The following MYT1L variants were observed in gnomAD, a reference collection of about 807,000 sequenced individuals.
MYT1L encodes myelin transcription factor 1-like protein.
A neutral mutation model predicts 126.7 loss-of-function variants in MYT1L; 12 were observed. The ratio of observed to expected loss-of-function variants is 0.09; its 90% CI spans 0.06 to 0.15. The LOEUF (loss-of-function observed/expected upper bound fraction) is 0.15. Among genes scored for constraint, MYT1L ranks in the 10% least tolerant of loss-of-function variants. The pLI is 1.00. For missense variants in MYT1L, 979 were observed against 1,585.2 expected (o/e 0.62, Z 6.49); for synonymous variants, 541 against 604.2 (o/e 0.90, Z 1.53).
In MYT1L at chr2:2,278,653, A is replaced by G. The variant is rs112206934; in HGVS notation, c.-421+5751T>C. On this transcript the variant is annotated intron_variant, in intron 2 of 24. Transcript: ENST00000647738. ...TATTTTTAAACACAGGCAGGACACTATTAACATACTTAAGAAATCAACAGT... is the reference window on the plus strand; with the variant it reads ...TATTTTTAAACACAGGCAGGACACTGTTAACATACTTAAGAAATCAACAGT... Among the ~76,000 whole-genome samples, 2 of 152,368 alleles carry G rather than the reference A, an allele frequency of 1.3e-5. 1 individual carries two copies. The highest frequency in any genetic ancestry group is 4.8e-5 in the African/African-American group (2 of 41,592).
At chr2:1,812,674 C>G (rs2036857210) in intron 21 of MYT1L, among the ~76,000 whole-genome samples, 1 of 151,886 alleles carries the variant, frequency 6.6e-6, no homozygotes, top group Non-Finnish European at 1.5e-5. Context: ...TCAGGAGTTC[C>G]AGACCAGCCT....
chr2:1,868,077 C>A (rs571294095), intron 18 of MYT1L, among the ~76,000 whole-genome samples: 1 of 152,240 alleles, frequency 6.6e-6, no homozygotes, highest in Admixed American at 6.5e-5. Context: ...GGTGATTCCC[C>A]TGCCTCAGCC....
At chr2:1,796,062 A>G (rs2033424205) in intron 23 of MYT1L, among the ~76,000 whole-genome samples, 1 of 152,218 alleles carries the variant, frequency 6.6e-6, no homozygotes, top group Non-Finnish European at 1.5e-5. Flanking sequence ...AAAGAATAAC[A>G]GCATTTTGTA....
At chr2:1,839,088 C>T (rs544836168) in intron 21 of MYT1L, 61 bp downstream of exon 21, 33 of 1,443,904 alleles carry the variant, frequency 2.3e-5, no homozygotes, top group African/African-American at 2.0e-4. Flanking sequence ...CATAACCAGC[C>T]GTGCCAGTCG....
At chr2:2,117,570 A>C (rs900209359) in intron 3 of MYT1L, among the ~76,000 whole-genome samples, 4 of 152,240 alleles carry the variant, frequency 2.6e-5, no homozygotes. Context: ...TGGGCAGAAC[A>C]CAATCCATGT....
At chr2:2,018,669 G>C (rs2064696751) in intron 4 of MYT1L, among the ~76,000 whole-genome samples, 1 of 152,206 alleles carries the variant, frequency 6.6e-6, no homozygotes, top group Non-Finnish European at 1.5e-5. Flanking sequence ...AAACCCTCAG[G>C]AAGTAGCAGG....
intron 2 of MYT1L, among the ~76,000 whole-genome samples, chr2:2,254,484 T>C (rs2094752305): frequency 6.6e-6 from 1 of 152,182 alleles, no homozygotes; most frequent in Non-Finnish European, 1.5e-5. Context: ...GAAGGGACTC[T>C]AGAGCTGCAT....
intron 4 of MYT1L, among the ~76,000 whole-genome samples, chr2:1,999,643 T>A (rs1455070514): frequency 1.3e-5 from 2 of 152,140 alleles, no homozygotes; most frequent in Non-Finnish European, 2.9e-5. Context: ...CATAATCTAT[T>A]AAAATAAAAA....
intron 2 of MYT1L, among the ~76,000 whole-genome samples, chr2:2,214,248 T>G (rs2093613050): frequency 6.7e-6 from 1 of 148,402 alleles, no homozygotes; most frequent in South Asian, 2.2e-4. Context: ...AAAAGAAACA[T>G]GAGACAAATT....
intron 21 of MYT1L, chr2:1,809,949 G>A (rs1394179782): frequency 1.3e-5 from 2 of 152,094 alleles, no homozygotes; most frequent in Non-Finnish European, 2.9e-5. Flanking sequence ...TGTGTGCGGA[G>A]CGCCTCTTCC....
At chr2:2,290,421 G>A (rs967998603) in intron 1 of MYT1L, among the ~76,000 whole-genome samples, 1 of 152,144 alleles carries the variant, frequency 6.6e-6, no homozygotes, top group Admixed American at 6.5e-5. Flanking sequence ...TTTATCACAT[G>A]CCATATAATA....
At chr2:1,992,210 G>A (rs112463859) in intron 5 of MYT1L, among the ~76,000 whole-genome samples, 10 of 152,176 alleles carry the variant, frequency 6.6e-5, no homozygotes, top group East Asian at 3.8e-4. Flanking sequence ...ACAACCCAGC[G>A]TCGGTCCACG....
chr2:2,163,733 G>A (rs183995358), intron 3 of MYT1L, among the ~76,000 whole-genome samples: 119 of 147,156 alleles, frequency 8.1e-4, no homozygotes, highest in African/African-American at 2.7e-3. Context: ...GTGAGACTCC[G>A]TCTCAGAAAA....
chr2:2,064,763 A>G (rs938018986), intron 3 of MYT1L, among the ~76,000 whole-genome samples: 1 of 152,204 alleles, frequency 6.6e-6, no homozygotes, highest in South Asian at 2.1e-4. Context: ...TGAAATAAAA[A>G]TACATTTCAG....
intron 9 of MYT1L, among the ~76,000 whole-genome samples, chr2:1,927,508 C>G (rs2054392214): frequency 6.7e-6 from 1 of 148,572 alleles, no homozygotes; most frequent in Non-Finnish European, 1.5e-5. Context: ...TGGATTACAA[C>G]TTTATATACA....
intron 23 of MYT1L, among the ~76,000 whole-genome samples, chr2:1,796,798 G>A (rs146890993): frequency 2.3e-3 from 346 of 152,092 alleles, no homozygotes; most frequent in Non-Finnish European, 3.8e-3. Flanking sequence ...GTCTCTCCTC[G>A]GGCTCCTTGC....
intron 3 of MYT1L, among the ~76,000 whole-genome samples, chr2:2,082,781 T>C (rs1427205900): frequency 1.3e-5 from 2 of 152,190 alleles, no homozygotes; most frequent in East Asian, 3.8e-4. Context: ...AAGGGAAGAC[T>C]ATTGCATGAT....
intron 1 of MYT1L, among the ~76,000 whole-genome samples, chr2:2,300,564 A>G (rs568933274): frequency 6.6e-6 from 1 of 152,282 alleles, no homozygotes; most frequent in South Asian, 2.1e-4. Flanking sequence ...CTTGAACAAT[A>G]CTCCATAAAT....
At chr2:2,016,488 CTT>C (rs1473146096) in intron 4 of MYT1L, among the ~76,000 whole-genome samples, 2 of 152,222 alleles carry the variant, frequency 1.3e-5, no homozygotes, top group Non-Finnish European at 2.9e-5. Context: ...GCACTGTTCA[CTT>C]TTCTAAATGC....
Sources: gnomAD v4.1 joint callset for allele counts (sites outside exome capture counted in the v4.1 genomes callset) on GRCh38, gnomAD v4.1.1 for gene constraint, MANE v1.5 for transcripts, NCBI Gene and HGNC (gene_info 2026-07-23, HGNC 2026-07-21) for gene names.